KIAA0930: variants seen among roughly 807,000 people sequenced by gnomAD.
KIAA0930 encodes uncharacterized protein KIAA0930.
Under a neutral mutation model 43.9 loss-of-function variants are expected in KIAA0930, and 24 were observed. The ratio of observed to expected loss-of-function variants is 0.55; its 90% CI spans 0.40 to 0.77. The LOEUF is 0.77. Among genes scored for constraint, KIAA0930 ranks in the 30% least tolerant of loss-of-function variants. KIAA0930 has a pLI of 0.00. For missense variants in KIAA0930, 461 were observed against 574.2 expected (o/e 0.80, Z 2.02); for synonymous variants, 259 against 216.4 (o/e 1.20, Z -1.73).
chr22:45,238,208 G>A (rs191279559), intron 1 of KIAA0930, among the ~76,000 whole-genome samples: 1 of 152,154 alleles, frequency 6.6e-6, no homozygotes, highest in African/African-American at 2.4e-5. Context: ...TTACAGGCAT[G>A]AGCCACCACG....
rs1421085490 is a variant in KIAA0930 at position 45,195,406 on chromosome 22, C to T, written c.*1770G>A. 1 of 152,248 alleles carries T rather than the reference C, an allele frequency of 6.6e-6. No homozygotes were observed. The highest frequency in any genetic ancestry group is 2.4e-5 in the African/African-American group (1 of 41,446). The allele number at this position is 152,248 out of a possible 1,614,324, so 9.4% of individuals were successfully genotyped here. ...CCTGAAGAAATGGGTGTATTTTAGCCACATGGACTCAAACTTGGAAGCAGC... is the reference window on the plus strand; with the variant it reads ...CCTGAAGAAATGGGTGTATTTTAGCTACATGGACTCAAACTTGGAAGCAGC... On this transcript the variant is annotated 3_prime_UTR_variant, in exon 10 of 10. Transcript: ENST00000336156.
chr22:45,203,247 C>T, intron 6 of KIAA0930, 63 bp from the exon 7 acceptor site: 1 of 1,491,018 alleles, frequency 6.7e-7, no homozygotes, highest in Non-Finnish European at 9.0e-7. Flanking sequence ...GGGCCCCTCC[C>T]CAGGACATGA....
At chr22:45,205,067 A>G in intron 5 of KIAA0930, 150 bp downstream of exon 5, 1 of 653,680 alleles carries the variant, frequency 1.5e-6, no homozygotes, top group South Asian at 1.8e-5. Flanking sequence ...AAACACTGGG[A>G]AGAGAGAGAG....
chr22:45,231,680 T>TA (rs1426134087), intron 1 of KIAA0930, among the ~76,000 whole-genome samples: 1 of 152,030 alleles, frequency 6.6e-6, no homozygotes, highest in Non-Finnish European at 1.5e-5. Flanking sequence ...CAGACAGGGG[T>TA]AAAAACTGCA....
At chr22:45,219,892 A>G (rs989719713) in intron 1 of KIAA0930, among the ~76,000 whole-genome samples, 6 of 152,094 alleles carry the variant, frequency 3.9e-5, no homozygotes, top group Admixed American at 2.6e-4. Context: ...GCCCAGCCCA[A>G]GAAGTGATTT....
chr22:45,213,582 C>G (rs1179681637), intron 1 of KIAA0930: 34 of 876,054 alleles, frequency 3.9e-5, no homozygotes, highest in Non-Finnish European at 4.5e-5. Flanking sequence ...TACTACAGAC[C>G]CTTGCAAAAT....
Position 45,212,326 on chromosome 22 carries a change from A to T in KIAA0930, c.65-219T>A, listed in dbSNP as rs768824690. The T allele has an allele frequency of 2.7e-5, 44 of 1,612,348 alleles. No homozygotes were observed. The South Asian group carries it at 4.7e-4, about 17-fold the overall frequency. ...AGGAGGCCCAGTTCCTCCACTCAGC[A>T]GCAGCCTGAGAGCCCATGCTCCCAG... is the stretch of plus-strand genomic sequence containing the variant. On this transcript the variant is annotated intron_variant, in intron 1 of 9. Coordinates refer to ENST00000336156, the MANE Select transcript of KIAA0930 (RefSeq NM_001009880.2).
intron 7 of KIAA0930, chr22:45,200,951 C>G (rs368875509): frequency 4.0e-6 from 2 of 501,502 alleles, no homozygotes; most frequent in Non-Finnish European, 4.1e-6. Flanking sequence ...AGTAGGAGTT[C>G]GCCAGGTGAA....
intron 7 of KIAA0930, chr22:45,202,768 T>C: frequency 2.0e-6 from 1 of 499,140 alleles, no homozygotes; most frequent in Non-Finnish European, 3.5e-6. Context: ...CCTCCAGGTC[T>C]GCAAGGCAGG....
chr22:45,239,696 G>C (rs2083905650), intron 1 of KIAA0930, among the ~76,000 whole-genome samples: 1 of 152,208 alleles, frequency 6.6e-6, no homozygotes, highest in African/African-American at 2.4e-5. Flanking sequence ...GAATGAAGGG[G>C]TGAATCTGGA....
At chr22:45,216,142 G>A (rs2083731103) in intron 1 of KIAA0930, among the ~76,000 whole-genome samples, 1 of 152,216 alleles carries the variant, frequency 6.6e-6, no homozygotes, top group South Asian at 2.1e-4. Flanking sequence ...AGCCAGGAAA[G>A]GTCGGGACTG....
intron 1 of KIAA0930, among the ~76,000 whole-genome samples, chr22:45,228,852 T>C (rs113536331): frequency 0.13 from 1,246 of 9,656 alleles, 14 homozygotes; most frequent in Non-Finnish European, 0.2. Context: ...AGATCCCTCT[T>C]CACCCCCCAA....
At chr22:45,225,791 C>T (rs117629732) in intron 1 of KIAA0930, among the ~76,000 whole-genome samples, 2,223 of 152,368 alleles carry the variant, frequency 0.015, 43 homozygotes, top group East Asian at 0.1. Flanking sequence ...CCCGTGCCCA[C>T]GTGCACCTGA....
chr22:45,225,400 C>T (rs1400359963), intron 1 of KIAA0930, among the ~76,000 whole-genome samples: 1 of 152,180 alleles, frequency 6.6e-6, no homozygotes, highest in Non-Finnish European at 1.5e-5. Flanking sequence ...GGGGTCTCCA[C>T]GTTGCGTGCC....
At chr22:45,236,902 TGCTCA>T (rs1485423958) in intron 1 of KIAA0930, among the ~76,000 whole-genome samples, 1 of 152,236 alleles carries the variant, frequency 6.6e-6, no homozygotes, top group African/African-American at 2.4e-5. Flanking sequence ...GCTCCAAGAA[TGCTCA>T]GCTGAGGCAG....
chr22:45,202,299 T>G (rs2083595577), intron 7 of KIAA0930, among the ~76,000 whole-genome samples: 2 of 152,214 alleles, frequency 1.3e-5, no homozygotes, highest in South Asian at 4.1e-4. Flanking sequence ...ACCAAAGGCT[T>G]CTGGGAACAA....
chr22:45,230,327 G>A (rs1439149494), intron 1 of KIAA0930, among the ~76,000 whole-genome samples: 1 of 152,126 alleles, frequency 6.6e-6, no homozygotes, highest in Non-Finnish European at 1.5e-5. Flanking sequence ...GTTGGTGATA[G>A]GGTTCAGGCC....
rs376173709 is a variant in KIAA0930, at chr22:45,203,708, G to A, written c.657+137C>T. On this transcript the variant is annotated intron_variant, in intron 6 of 9. Coordinates refer to ENST00000336156, the MANE Select transcript of KIAA0930 (RefSeq NM_001009880.2). ...ACCAGGGAGCGCCTAGAAGGAGCCC[G>A]GAGGGGCTGCAGGTACCCCTGGCGG... The A allele has an allele frequency of 1.1e-4, 101 of 936,044 alleles. No homozygotes were observed. The African/African-American group carries it at 1.4e-3, about 13-fold the overall frequency. The allele number at this position is 936,044 out of a possible 1,614,324, so 58.0% of individuals were successfully genotyped here. A position where few individuals can be genotyped will look rare whatever the true frequency, so the allele number is the denominator to read the frequency against.
chr22:45,205,063 T>C (rs2083623888), intron 5 of KIAA0930, among the ~76,000 whole-genome samples, 154 bp downstream of exon 5: 1 of 152,022 alleles, frequency 6.6e-6, no homozygotes, highest in Non-Finnish European at 1.5e-5. Flanking sequence ...AAGCAAACAC[T>C]GGGAAGAGAG....
Sources: allele counts gnomAD v4.1 joint callset (sites outside exome capture counted in the v4.1 genomes callset), GRCh38; gene constraint gnomAD v4.1.1; transcripts MANE v1.5; gene names NCBI Gene and HGNC (gene_info 2026-07-23, HGNC 2026-07-21).